Variants in ACAN observed in about 807,000 individuals in gnomAD.
ACAN encodes the protein aggrecan.
In ACAN, 47 loss-of-function variants were observed where a neutral mutation model predicts 169.1. The ratio of observed to expected loss-of-function variants is 0.28; its 90% CI spans 0.22 to 0.35. ACAN has a LOEUF of 0.35. Ranked by LOEUF, ACAN falls within the 10% of genes least tolerant of loss-of-function variation. ACAN has a pLI of 1.00. For missense variants in ACAN, 2,716 were observed against 2,759.9 expected, an observed-to-expected ratio of 0.98 and a Z score of 0.36; for synonymous variants, 1,115 against 1,112.2, an observed-to-expected ratio of 1.00 and a Z score of -0.05.
In ACAN at chr15:88,874,265, C is replaced by A. The variant is rs2141645997; in HGVS notation, c.7631-140C>A. The A allele has an allele frequency of 9.3e-7, 1 of 1,072,692 alleles. No individual in the cohort carries two copies. Among genetic ancestry groups the A allele is most frequent in the Non-Finnish European group, 1.4e-6 (1 of 720,668 alleles). 66.4% of individuals were successfully genotyped at this position (1,072,692 alleles called of 1,614,324 possible). ...AAAGCCAGAAAGTCCAAGAAAAATC[C>A]AAATCAGGAAAGCCGATAAAGCCTC... On this transcript the variant is annotated intron_variant, in intron 18 of 18. Transcript: ENST00000560601. The surrounding 1 kb of genome is among the most constrained non-coding windows in gnomAD (Gnocchi z 7.3).
At position 88,858,486 on chromosome 15, in the gene ACAN, T is replaced by A; in HGVS notation, c.5901T>A (p.Ala1967=). ...CTGGCATTTTAGAACTCAGTGGTGC[T>A]CATTCTGGAGCACCAGACATGTCTG... is the stretch of plus-strand genomic sequence containing the variant. ...GPSGILELSG[A]HSGAPDMSGE... is the part of the protein sequence containing the mutation. The change falls in exon 12 of 19, where the codon GCT becomes GCA. Residue 1967 remains alanine (A), a synonymous_variant. Coordinates refer to ENST00000560601, the MANE Select transcript of ACAN (RefSeq NM_001369268.1). The surrounding 1 kb of genome is among the most constrained non-coding windows in gnomAD (Gnocchi z 4.0). 1 of 1,613,762 alleles carries A rather than the reference T, an allele frequency of 6.2e-7. No homozygotes were observed. Among genetic ancestry groups the A allele is most frequent in the Non-Finnish European group, 8.5e-7 (1 of 1,179,888 alleles).
chr15:88,819,600 CAAAAAA>C (rs35471694), intron 1 of ACAN, among the ~76,000 whole-genome samples: 1 of 111,128 alleles, frequency 9.0e-6, no homozygotes, highest in African/African-American at 3.4e-5. Context: ...CTCGTCTCTA[CAAAAAA>C]AAAAAAAAAA....
At chr15:88,830,211 C>T (rs1052316662) in intron 1 of ACAN, among the ~76,000 whole-genome samples, 1 of 152,152 alleles carries the variant, frequency 6.6e-6, no homozygotes, top group Non-Finnish European at 1.5e-5. Flanking sequence ...CCTCAATGTC[C>T]CCAGGGACAC....
In ACAN at chr15:88,874,924, G is replaced by C. The variant is rs1248117367; in HGVS notation, c.*443G>C. On this transcript the variant is annotated 3_prime_UTR_variant, in exon 19 of 19. Coordinates refer to ENST00000560601, the MANE Select transcript of ACAN (RefSeq NM_001369268.1). This position sits in a 1 kb window ranked among gnomAD's most constrained non-coding sequence, Gnocchi z 7.3. Reference sequence around the variant, plus strand: ...AGGAGGGCTCCAAAGGAGCTGGAAGGAGCAGAGGCCTGAGAGCAGGAAGAA... The same window carrying C: ...AGGAGGGCTCCAAAGGAGCTGGAAGCAGCAGAGGCCTGAGAGCAGGAAGAA... 3.0e-6 allele frequency: 1 copy of C among 332,456 alleles called. No individual in the cohort carries two copies. Among genetic ancestry groups the C allele is most frequent in the East Asian group, 7.9e-5 (1 of 12,698 alleles). The allele number at this position is 332,456 out of a possible 1,614,324, so 20.6% of individuals were successfully genotyped here.
chr15:88,834,973 C>T (rs1896464529), intron 1 of ACAN, among the ~76,000 whole-genome samples: 1 of 152,174 alleles, frequency 6.6e-6, no homozygotes, highest in South Asian at 2.1e-4. Flanking sequence ...TGCACCTTTA[C>T]ACTGCGGTTG....
rs1896732001 is a variant in ACAN, at chr15:88,843,956, C to A, written c.1051+308C>A. The stretch of plus-strand genomic sequence containing the variant: ...GTCACCTACTACTGTGCAACCCTGG[C>A]AAAGTCAAGGCTGTGAACCTCACTC... On this transcript the variant is annotated intron_variant, in intron 6 of 18. Transcript: ENST00000560601. This position sits in a 1 kb window ranked among gnomAD's most constrained non-coding sequence, Gnocchi z 4.0. Among the ~76,000 whole-genome samples, 1 of 152,138 alleles carries A rather than the reference C, an allele frequency of 6.6e-6. No homozygotes were observed. The highest frequency in any genetic ancestry group is 2.4e-5 in the African/African-American group (1 of 41,428).
chr15:88,813,279 G>A (rs1218803815), intron 1 of ACAN, among the ~76,000 whole-genome samples: 1 of 152,264 alleles, frequency 6.6e-6, no homozygotes, highest in Non-Finnish European at 1.5e-5. Context: ...GGTGGGTCAA[G>A]AAGTGTACAG....
intron 1 of ACAN, among the ~76,000 whole-genome samples, chr15:88,806,407 A>T (rs1414254720): frequency 1.3e-5 from 2 of 151,362 alleles, no homozygotes; most frequent in East Asian, 1.9e-4. Flanking sequence ...GCTAGAGTGC[A>T]GTGGCCCAAT....
At chr15:88,818,158 T>A (rs1428359131) in intron 1 of ACAN, among the ~76,000 whole-genome samples, 1 of 152,220 alleles carries the variant, frequency 6.6e-6, no homozygotes, top group African/African-American at 2.4e-5. Context: ...AAAGATGGGA[T>A]AGAAGTTTTC....
chr15:88,809,969 A>G (rs1035145813), intron 1 of ACAN, among the ~76,000 whole-genome samples: 2 of 152,206 alleles, frequency 1.3e-5, no homozygotes, highest in Non-Finnish European at 2.9e-5. Context: ...CCACTAGCCA[A>G]AGGGGTGGAT....
intron 1 of ACAN, among the ~76,000 whole-genome samples, chr15:88,805,449 G>T (rs146075471): frequency 1.1e-4 from 16 of 152,346 alleles, no homozygotes; most frequent in Admixed American, 7.8e-4. Flanking sequence ...AAAGGAAGAA[G>T]ATATCTCTTG....
Position 88,871,962 on chromosome 15 carries a change from G to C in ACAN, c.7220-41G>C, listed in dbSNP as rs770504348. 6.5e-6 allele frequency: 10 copies of C among 1,548,052 alleles called. No individual in the cohort carries two copies. The highest frequency in any genetic ancestry group is 1.7e-5 in the Admixed American group (1 of 59,910). On this transcript the variant is annotated intron_variant, in intron 15 of 18. Transcript: ENST00000560601. The surrounding 1 kb of genome is among the most constrained non-coding windows in gnomAD (Gnocchi z 7.8). ...GCTCAAGTTTCTCAGACACCCTCAG[G>C]GTGTCCAGTGTGATGCCTGACACCC...
At position 88,836,256 on chromosome 15, in the gene ACAN, C is replaced by T. The variant is rs761719517; in HGVS notation, c.50C>T (p.Ala17Val). The change falls in exon 2 of 19, where the codon GCT (alanine) becomes GTT (valine). Residue 17 changes from alanine to valine, a missense_variant. Ala to Val is a moderately conservative substitution (Grantham distance 64, BLOSUM62 0). This residue lies in a region of ACAN where 1,283 missense variants were observed against 1,281.5 expected (regional missense o/e 1.00). Coordinates refer to ENST00000560601, the MANE Select transcript of ACAN (RefSeq NM_001369268.1). ...GTGACTCTGAGGGTCATCACTGCAG[C>T]TGTCACTGTAGAAACTTCAGGTGAG... is the stretch of plus-strand genomic sequence containing the variant. The part of the protein sequence containing the change: ...VFVTLRVITA[A>V]VTVETSDHDN... 9 of 1,613,716 alleles carry T rather than the reference C, an allele frequency of 5.6e-6. No individual in the cohort carries two copies. The highest frequency in any genetic ancestry group is 7.6e-6 in the Non-Finnish European group (9 of 1,179,792).
chr15:88,815,415 T>C (rs1176304820), intron 1 of ACAN, among the ~76,000 whole-genome samples: 1 of 151,598 alleles, frequency 6.6e-6, no homozygotes, highest in East Asian at 1.9e-4. Context: ...AAAAATTAAC[T>C]GGGTGAGGCA....
At position 88,847,120 on chromosome 15, in the gene ACAN, T is replaced by C. The variant is rs12440336; in HGVS notation, c.1430-123T>C. 8,017 of 1,098,872 alleles carry C rather than the reference T, an allele frequency of 7.3e-3. 353 individuals are homozygous for C. In the East Asian group the frequency reaches 0.11, roughly 15 times the overall value. 68.1% of individuals were successfully genotyped at this position (1,098,872 alleles called of 1,614,324 possible). A position where few individuals can be genotyped will look rare whatever the true frequency, so the allele number is the denominator to read the frequency against. On this transcript the variant is annotated intron_variant, in intron 7 of 18. Coordinates refer to ENST00000560601, the MANE Select transcript of ACAN (RefSeq NM_001369268.1). ...GTGGCTACCAAGTGGGATTTCAGCC[T>C]GCATTGCCCAGATAAATCCAATATG...
In ACAN at chr15:88,873,782, C is replaced by A. The variant is rs1253643737; in HGVS notation, c.7448-60C>A. 21 of 1,562,154 alleles carry A rather than the reference C, an allele frequency of 1.3e-5. No individual in the cohort carries two copies. The highest frequency in any genetic ancestry group is 1.7e-5 in the Non-Finnish European group (19 of 1,144,972). ...CCCCCACAGTGCCTCGGGTCACAAC[C>A]AGCATAGGTCATCCCAGGAGACCCT... On this transcript the variant is annotated intron_variant, in intron 17 of 18. Coordinates refer to ENST00000560601, the MANE Select transcript of ACAN (RefSeq NM_001369268.1). The surrounding 1 kb of genome is among the most constrained non-coding windows in gnomAD (Gnocchi z 7.5).
At position 88,847,898 on chromosome 15, in the gene ACAN, C is replaced by T; in HGVS notation, c.1605-13C>T. The T allele has an allele frequency of 6.2e-7, 1 of 1,612,440 alleles. No homozygotes were observed. Among genetic ancestry groups the T allele is most frequent in the South Asian group, 1.1e-5 (1 of 90,906 alleles). ...AACAGGCCTTCATCTTCTCCTCCCA[C>T]TCTCCTTTGCAGATACCCCATTGTG... On this transcript the variant is annotated splice_polypyrimidine_tract_variant and intron_variant, in intron 8 of 18. Transcript: ENST00000560601.
At position 88,871,646 on chromosome 15, in the gene ACAN, AGGGACCT is replaced by A; in HGVS notation, c.7219+110_7219+116del. ...TTTGGGCCTCGTGAGACTGCAGGAC[AGGGACCT>A]GGGGGAGGGGGAACAGTGTTCCCAC... On this transcript the variant is annotated intron_variant, in intron 15 of 18. Transcript: ENST00000560601. This position sits in a 1 kb window ranked among gnomAD's most constrained non-coding sequence, Gnocchi z 7.8. The A allele has an allele frequency of 7.1e-7, 1 of 1,405,240 alleles. No individual in the cohort carries two copies. The highest frequency in any genetic ancestry group is 9.5e-7 in the Non-Finnish European group (1 of 1,048,526). The allele number at this position is 1,405,240 out of a possible 1,614,324, so 87.0% of individuals were successfully genotyped here. A position where few individuals can be genotyped will look rare whatever the true frequency, so the allele number is the denominator to read the frequency against.
intron 12 of ACAN, 47 bp downstream of exon 12, chr15:88,859,464 T>G: frequency 6.4e-7 from 1 of 1,551,034 alleles, no homozygotes; most frequent in Non-Finnish European, 8.7e-7. Flanking sequence ...TAGTTCAGAC[T>G]GTAGCCTACT....
Sources: allele counts gnomAD v4.1 joint callset (sites outside exome capture counted in the v4.1 genomes callset), GRCh38; gene constraint gnomAD v4.1.1; regional missense constraint gnomAD v4.1.1; non-coding constraint Gnocchi (gnomAD v3.1); transcripts MANE v1.5; gene names NCBI Gene and HGNC (gene_info 2026-07-23, HGNC 2026-07-21).